WWC2: variants seen among roughly 807,000 people sequenced by gnomAD.
WWC2 encodes the protein protein WWC2.
WWC2 carries 101 observed loss-of-function variants against 138.5 expected under a neutral mutation model. The ratio of observed to expected loss-of-function variants is 0.73; its 90% CI spans 0.62 to 0.86. The LOEUF (loss-of-function observed/expected upper bound fraction) is 0.86. WWC2 is among the 40% of genes least tolerant of loss of function. The pLI is 0.00. For missense variants in WWC2, 1,420 were observed against 1,419.4 expected, an observed-to-expected ratio of 1.00 and a Z score of -0.01; for synonymous variants, 558 against 538.4, an observed-to-expected ratio of 1.04 and a Z score of -0.50.
chr4:183,104,953 C>T (rs1018532703), intron 1 of WWC2, among the ~76,000 whole-genome samples: 1 of 152,132 alleles, frequency 6.6e-6, no homozygotes, highest in African/African-American at 2.4e-5. Flanking sequence ...GTCGCCCAGG[C>T]GGGAGTGCAG....
At chr4:183,239,305 C>G (rs1736539775) in intron 4 of WWC2, among the ~76,000 whole-genome samples, 1 of 151,808 alleles carries the variant, frequency 6.6e-6, no homozygotes, top group South Asian at 2.1e-4. Flanking sequence ...CAGAGCAAGA[C>G]TCTGTCTCAA....
At chr4:183,250,255 A>G (rs919752825) in intron 8 of WWC2, among the ~76,000 whole-genome samples, 1 of 152,022 alleles carries the variant, frequency 6.6e-6, no homozygotes. Flanking sequence ...CCTCTGAGAA[A>G]AAAGAAGCTT....
At chr4:183,228,111 C>T (rs192662460) in intron 4 of WWC2, among the ~76,000 whole-genome samples, 4 of 151,812 alleles carry the variant, frequency 2.6e-5, no homozygotes, top group East Asian at 3.9e-4. Context: ...GTTAAAAGGA[C>T]GGGAAGAAAA....
chr4:183,203,505 C>T (rs1349952700), intron 2 of WWC2: 1 of 152,120 alleles, frequency 6.6e-6, no homozygotes, highest in Admixed American at 6.5e-5. Flanking sequence ...GTATCCACTC[C>T]TTTCATTTCC....
At chr4:183,209,356 T>A (rs1206193913) in intron 4 of WWC2, among the ~76,000 whole-genome samples, 7 of 152,044 alleles carry the variant, frequency 4.6e-5, no homozygotes, top group Non-Finnish European at 1.0e-4. Context: ...GCCTCCAGAG[T>A]AGCTGGGATT....
intron 21 of WWC2, among the ~76,000 whole-genome samples, chr4:183,309,508 A>G (rs1430167241): frequency 2.6e-5 from 4 of 152,262 alleles, no homozygotes; most frequent in African/African-American, 9.6e-5. Context: ...GAAATTGCAG[A>G]TTAAAGCAAC....
intron 1 of WWC2, among the ~76,000 whole-genome samples, chr4:183,135,939 T>G (rs756928629): frequency 9.2e-5 from 14 of 152,304 alleles, no homozygotes; most frequent in South Asian, 4.2e-4. Flanking sequence ...GTTATTCCTT[T>G]AAATGAGTTT....
At chr4:183,302,243 T>C (rs1738866332) in intron 21 of WWC2, among the ~76,000 whole-genome samples, 1 of 152,230 alleles carries the variant, frequency 6.6e-6, no homozygotes, top group African/African-American at 2.4e-5. Context: ...ATCTTGTCTT[T>C]GTCGAGCCTT....
At chr4:183,139,617 A>C (rs976769235) in intron 1 of WWC2, among the ~76,000 whole-genome samples, 1 of 152,190 alleles carries the variant, frequency 6.6e-6, no homozygotes, top group African/African-American at 2.4e-5. Context: ...TGAATATGAT[A>C]GTGTGAGTGA....
chr4:183,182,951 T>C (rs904196708), intron 1 of WWC2, among the ~76,000 whole-genome samples: 2 of 152,224 alleles, frequency 1.3e-5, no homozygotes, highest in Non-Finnish European at 2.9e-5. Context: ...CTTCCTACTC[T>C]TCTTCCATTC....
chr4:183,134,543 G>A (rs1168759041), intron 1 of WWC2, among the ~76,000 whole-genome samples: 1 of 152,068 alleles, frequency 6.6e-6, no homozygotes, highest in African/African-American at 2.4e-5. Flanking sequence ...TGGCTTTACA[G>A]ACAACTGTTC....
chr4:183,252,236 C>T (rs990031945), intron 8 of WWC2, among the ~76,000 whole-genome samples: 10 of 152,254 alleles, frequency 6.6e-5, no homozygotes, highest in Middle Eastern at 3.4e-3. Context: ...TTCTGTTTTT[C>T]GTATTTTGGT....
intron 1 of WWC2, among the ~76,000 whole-genome samples, chr4:183,131,318 C>T (rs1009029441): frequency 6.6e-6 from 1 of 151,688 alleles, no homozygotes; most frequent in African/African-American, 2.4e-5. Context: ...TCATGACTTT[C>T]TGTTGGGCAA....
intron 4 of WWC2, among the ~76,000 whole-genome samples, chr4:183,224,707 T>G (rs1443857041): frequency 6.6e-6 from 1 of 152,218 alleles, no homozygotes; most frequent in East Asian, 1.9e-4. Context: ...ATTACAGACA[T>G]GTGCCACCAC....
intron 2 of WWC2, among the ~76,000 whole-genome samples, chr4:183,201,424 G>A (rs1374109417): frequency 6.6e-6 from 1 of 152,156 alleles, no homozygotes; most frequent in East Asian, 1.9e-4. Flanking sequence ...TAAAGCAGTG[G>A]TTGCACTGTG....
rs564860104 is a variant in WWC2 at position 183,207,241 on chromosome 4, A to C, written c.242-712A>C. On this transcript the variant is annotated intron_variant, in intron 2 of 22. Transcript: ENST00000403733. ...GGTTGATTGTAGTTTGTGGAAGTGC[A>C]GAAGCAAGAACCAGGGCCTTAGGCT... Among the ~76,000 whole-genome samples, 11 of 152,144 alleles carry C rather than the reference A, an allele frequency of 7.2e-5. No homozygotes were observed. The East Asian group carries it at 2.1e-3, about 29-fold the overall frequency.
chr4:183,232,860 CT>C (rs1378989450), intron 4 of WWC2, among the ~76,000 whole-genome samples: 4 of 152,116 alleles, frequency 2.6e-5, no homozygotes, highest in Non-Finnish European at 5.9e-5. Flanking sequence ...GTTGGTCAGG[CT>C]GGTCTCGAAC....
At chr4:183,177,998 C>T (rs1321389533) in intron 1 of WWC2, among the ~76,000 whole-genome samples, 1 of 152,132 alleles carries the variant, frequency 6.6e-6, no homozygotes. Flanking sequence ...ATGTAGAGAT[C>T]CCTTAGTTAA....
At chr4:183,188,532 G>A (rs940850964) in intron 1 of WWC2, among the ~76,000 whole-genome samples, 7 of 151,664 alleles carry the variant, frequency 4.6e-5, no homozygotes, top group Admixed American at 2.6e-4. Context: ...GCCACTGCAC[G>A]TGGCCCATTG....
Sources: gnomAD v4.1 joint callset for allele counts (sites outside exome capture counted in the v4.1 genomes callset) on GRCh38, gnomAD v4.1.1 for gene constraint, MANE v1.5 for transcripts, NCBI Gene and HGNC (gene_info 2026-07-23, HGNC 2026-07-21) for gene names.